Variants in ROBO1 observed in about 807,000 individuals in gnomAD.
ROBO1 encodes roundabout homolog 1.
Under a neutral mutation model 195.9 loss-of-function variants are expected in ROBO1, and 149 were observed. The ratio of observed to expected loss-of-function variants is 0.76; its 90% confidence interval spans 0.67 to 0.87. ROBO1 has a LOEUF of 0.87. Ranked by LOEUF, ROBO1 falls within the 40% of genes least tolerant of loss-of-function variation. The probability of loss-of-function intolerance (pLI) is 0.00; values close to 1 mark genes in which losing one functional copy is unlikely to be tolerated. For missense variants in ROBO1, 1,933 were observed against 2,068.3 expected (o/e 0.93, Z 1.27); for synonymous variants, 816 against 733.2 (o/e 1.11, Z -1.82).
intron 1 of ROBO1, among the ~76,000 whole-genome samples, chr3:79,604,422 T>C (rs1944424547): frequency 6.6e-6 from 1 of 152,050 alleles, no homozygotes; most frequent in African/African-American, 2.4e-5. Flanking sequence ...TAATCAAACA[T>C]AAAATGGTGA....
At chr3:79,757,019 T>A (rs181244570) in intron 1 of ROBO1, among the ~76,000 whole-genome samples, 2 of 152,304 alleles carry the variant, frequency 1.3e-5, no homozygotes, top group Non-Finnish European at 2.9e-5. Flanking sequence ...TTGAAAAAAA[T>A]TTCATTGTAC....
At chr3:79,721,085 C>CA (rs1227650399) in intron 1 of ROBO1, among the ~76,000 whole-genome samples, 1 of 152,172 alleles carries the variant, frequency 6.6e-6, no homozygotes, top group Non-Finnish European at 1.5e-5. Context: ...AGCCACCACA[C>CA]CCGGCCAAGG....
chr3:78,942,745 C>T (rs1473175086), intron 3 of ROBO1, among the ~76,000 whole-genome samples: 1 of 152,130 alleles, frequency 6.6e-6, no homozygotes, highest in Non-Finnish European at 1.5e-5. Context: ...AAGATCAAAA[C>T]TTCCTGGGGA....
chr3:79,560,859 T>G (rs2107709401), intron 2 of ROBO1, among the ~76,000 whole-genome samples: 1 of 152,258 alleles, frequency 6.6e-6, no homozygotes, highest in South Asian at 2.1e-4. Context: ...ATTTAAGTTG[T>G]CATGTAAGAA....
intron 2 of ROBO1, among the ~76,000 whole-genome samples, chr3:79,169,794 A>G (rs2081134648): frequency 6.6e-6 from 1 of 152,152 alleles, no homozygotes; most frequent in Admixed American, 6.5e-5. Context: ...TCAATTCAAA[A>G]TTTCACAAGT....
intron 2 of ROBO1, among the ~76,000 whole-genome samples, chr3:79,521,738 C>T (rs185636342): frequency 1.3e-5 from 2 of 152,198 alleles, no homozygotes; most frequent in Non-Finnish European, 2.9e-5. Flanking sequence ...CACCACCCCC[C>T]ACCCACACAC....
chr3:78,650,491 G>T (rs1706577610), intron 19 of ROBO1, among the ~76,000 whole-genome samples: 1 of 152,156 alleles, frequency 6.6e-6, no homozygotes, highest in South Asian at 2.1e-4. Context: ...CCTTGTGACG[G>T]ACAACACAAA....
Position 79,677,152 on chromosome 3 carries a change from A to G in ROBO1, c.-50-87191T>C, listed in dbSNP as rs1946806604. ...GATTTGTGACTTGTTTCTATGCAAT[A>G]TACTGTGTTGAAAGTGAAGAGATGT... On this transcript the variant is annotated intron_variant, in intron 1 of 30. Transcript: ENST00000464233. 2.0e-5 allele frequency among the ~76,000 whole-genome samples: 3 copies of G among 151,962 alleles called. No individual in the cohort carries two copies. In the South Asian group the frequency reaches 6.2e-4, roughly 31 times the overall value.
chr3:79,581,676 C>T (rs1943665233), intron 2 of ROBO1, among the ~76,000 whole-genome samples: 1 of 152,102 alleles, frequency 6.6e-6, no homozygotes, highest in Admixed American at 6.6e-5. Flanking sequence ...AGGCTTGCCA[C>T]TTCTACTGAC....
chr3:78,865,044 A>T (rs1452440281), intron 4 of ROBO1, among the ~76,000 whole-genome samples: 1 of 152,190 alleles, frequency 6.6e-6, no homozygotes, highest in Non-Finnish European at 1.5e-5. Context: ...CTCATTTTCA[A>T]ATGTGATACA....
intron 3 of ROBO1, among the ~76,000 whole-genome samples, chr3:79,081,178 AT>A (rs879641396): frequency 1.0e-3 from 148 of 146,654 alleles, no homozygotes; most frequent in East Asian, 2.0e-3. Flanking sequence ...TTCCGATAGG[AT>A]TTTTTTTTTT....
chr3:79,653,903 A>G (rs1946085420), intron 1 of ROBO1, among the ~76,000 whole-genome samples: 1 of 152,010 alleles, frequency 6.6e-6, no homozygotes. Flanking sequence ...TGAAGATTGG[A>G]AGTTCCTTTC....
intron 3 of ROBO1, among the ~76,000 whole-genome samples, chr3:79,122,843 C>T (rs962850186): frequency 7.2e-5 from 11 of 151,876 alleles, no homozygotes; most frequent in Non-Finnish European, 1.3e-4. Context: ...TTTTCCAGGA[C>T]TATACAGGTT....
At chr3:79,590,657 A>G (rs1361085935) in intron 1 of ROBO1, among the ~76,000 whole-genome samples, 2 of 151,846 alleles carry the variant, frequency 1.3e-5, no homozygotes, top group Non-Finnish European at 2.9e-5. Flanking sequence ...GCTTATATGG[A>G]AGAAGTGGCA....
intron 3 of ROBO1, among the ~76,000 whole-genome samples, chr3:79,021,089 AAGAT>A (rs1229842648): frequency 6.6e-6 from 1 of 152,184 alleles, no homozygotes; most frequent in Non-Finnish European, 1.5e-5. Context: ...TTGAAAGTGA[AAGAT>A]AGTCTAATCC....
At chr3:78,960,779 A>AACACACACAC (rs751349324) in intron 3 of ROBO1, among the ~76,000 whole-genome samples, 10 of 124,596 alleles carry the variant, frequency 8.0e-5, no homozygotes, top group African/African-American at 2.5e-4. Context: ...TCCGTATTAA[A>AACACACACAC]ACACACACAC....
intron 3 of ROBO1, among the ~76,000 whole-genome samples, chr3:79,029,167 T>C (rs1021696387): frequency 6.6e-6 from 1 of 152,082 alleles, no homozygotes; most frequent in African/African-American, 2.4e-5. Flanking sequence ...TCACATTACT[T>C]TGGCCTAACA....
At chr3:79,713,609 T>G in intron 1 of ROBO1, among the ~76,000 whole-genome samples, 1 of 152,152 alleles carries the variant, frequency 6.6e-6, no homozygotes, top group Admixed American at 6.6e-5. Flanking sequence ...TAGATCCCAT[T>G]TGTCAATTTT....
In ROBO1 at chr3:78,635,797, C is replaced by T. The variant is rs372092328; in HGVS notation, c.3349G>A (p.Val1117Met). ...CCTTTGTTCAGCTTGTTTTGCTCCA[C>T]GATGTTGTACTGAACTGGTGCCACT... ...QEVAPVQYNI[V>M]EQNKLNKDYR... Residue 1117 changes from valine to methionine, a missense_variant, in exon 23 of 31, where the codon GTG (valine) becomes ATG (methionine). Physicochemically the swap from Val to Met is conservative, Grantham distance 21. This residue lies in a region of ROBO1 where 1,737 missense variants were observed against 1,882.5 expected (regional missense o/e 0.92). Transcript: ENST00000464233. 11 of 1,613,596 alleles carry T rather than the reference C, an allele frequency of 6.8e-6. No individual in the cohort carries two copies. Among genetic ancestry groups the T allele is most frequent in the Middle Eastern group, 3.3e-4 (2 of 6,078 alleles).
Sources: allele counts gnomAD v4.1 joint callset (sites outside exome capture counted in the v4.1 genomes callset), GRCh38; gene constraint gnomAD v4.1.1; regional missense constraint gnomAD v4.1.1; transcripts MANE v1.5; gene names NCBI Gene and HGNC (gene_info 2026-07-23, HGNC 2026-07-21).